The following UNC13C variants were observed in gnomAD, a reference collection of about 807,000 sequenced individuals.
The protein encoded by UNC13C is protein unc-13 homolog C.
In UNC13C, 174 loss-of-function variants were observed where a neutral mutation model predicts 245.4. The observed-to-expected ratio is 0.71, with a 90% CI of 0.63 to 0.80. The LOEUF is 0.80. UNC13C is among the 30% of genes least tolerant of loss of function. The pLI is 0.00. For synonymous variants in UNC13C, 992 were observed against 895.1 expected (o/e 1.11, Z -1.93); for missense variants, 2,829 against 2,602.9 (o/e 1.09, Z -1.89).
At chr15:53,909,257 A>T in the UNC13C span, among the ~76,000 whole-genome samples, 1 of 146,532 alleles carries the variant, frequency 6.8e-6, no homozygotes, top group South Asian at 2.3e-4. Flanking sequence ...ATATCAGAGC[A>T]CTTTTCTGCA....
At position 54,237,688 on chromosome 15, in the gene UNC13C, C is replaced by A; in HGVS notation, c.3226C>A (p.Leu1076Met). 1 of 1,606,634 alleles carries A rather than the reference C, an allele frequency of 6.2e-7. No individual in the cohort carries two copies. Among genetic ancestry groups the A allele is most frequent in the Non-Finnish European group, 8.5e-7 (1 of 1,175,600 alleles). The stretch of plus-strand genomic sequence containing the variant: ...TAGGACATCCCTAAATAATGAGGAA[C>A]TGGTAAGTACTAGATATTGCTCATA... ...VIRTSLNNEE[L>M]KMHVFKKTLQ... The change falls in exon 7 of 33, where the codon CTG (leucine) becomes ATG (methionine). Residue 1076 changes from leucine to methionine, a missense_variant and splice_region_variant. By Grantham distance (15) the Leu-to-Met change is conservative. Transcript: ENST00000260323.
chr15:54,490,672 T>C (rs1355786667), intron 19 of UNC13C, among the ~76,000 whole-genome samples: 1 of 151,660 alleles, frequency 6.6e-6, no homozygotes, highest in African/African-American at 2.4e-5. Flanking sequence ...TTTTTTTTTT[T>C]AATGGCATGG....
At position 54,245,399 on chromosome 15, in the gene UNC13C, A is replaced by G. The variant is rs193213530; in HGVS notation, c.3229-4826A>G. On this transcript the variant is annotated intron_variant, in intron 7 of 32. Coordinates refer to ENST00000260323, the MANE Select transcript of UNC13C (RefSeq NM_001080534.3). ...CTCACCCCATAAGTTTCTTAGGACAATGTTAATTTATATCTGTTATAAAGC... is the reference window on the plus strand; with the variant it reads ...CTCACCCCATAAGTTTCTTAGGACAGTGTTAATTTATATCTGTTATAAAGC... Among the ~76,000 whole-genome samples the G allele has an allele frequency of 1.1e-3, 167 of 152,230 alleles. 2 individuals are homozygous for G. The highest frequency in any genetic ancestry group is 2.5e-3 in the Admixed American group (38 of 15,290).
intron 17 of UNC13C, among the ~76,000 whole-genome samples, chr15:54,361,022 T>G (rs574847112): frequency 6.6e-6 from 1 of 152,308 alleles, no homozygotes; most frequent in African/African-American, 2.4e-5. Flanking sequence ...TTGGGAAATA[T>G]TCACCCATTA....
chr15:54,502,578 T>C (rs1006379781), intron 22 of UNC13C, among the ~76,000 whole-genome samples: 11 of 152,162 alleles, frequency 7.2e-5, no homozygotes, highest in African/African-American at 2.7e-4. Context: ...AAGTCTTTTC[T>C]TGATGAGCAG....
At chr15:54,273,448 A>G (rs746945652) in intron 10 of UNC13C, among the ~76,000 whole-genome samples, 4 of 151,878 alleles carry the variant, frequency 2.6e-5, no homozygotes, top group African/African-American at 9.7e-5. Flanking sequence ...TCACTTCCCC[A>G]TGGTATATCA....
At chr15:54,062,607 A>T (rs1595793197) in intron 2 of UNC13C, among the ~76,000 whole-genome samples, 1 of 152,156 alleles carries the variant, frequency 6.6e-6, no homozygotes, top group East Asian at 1.9e-4. Flanking sequence ...TTCCATGTGG[A>T]AGTACAGTTT....
chr15:54,040,696 G>A (rs958898705), intron 2 of UNC13C, among the ~76,000 whole-genome samples: 3 of 152,146 alleles, frequency 2.0e-5, no homozygotes, highest in African/African-American at 7.2e-5. Context: ...AAGGCCTGCT[G>A]GAAGTGAGTC....
intron 13 of UNC13C, among the ~76,000 whole-genome samples, chr15:54,313,569 A>G (rs925199033): frequency 8.6e-5 from 13 of 151,802 alleles, no homozygotes; most frequent in African/African-American, 2.7e-4. Context: ...CTAAAAACTT[A>G]TGTATATTTC....
chr15:54,445,002 TC>T (rs1406899059), intron 19 of UNC13C, among the ~76,000 whole-genome samples: 1 of 131,648 alleles, frequency 7.6e-6, no homozygotes, highest in Non-Finnish European at 1.6e-5. Flanking sequence ...TGTGTGATGT[TC>T]CCCTTCCTGT....
At chr15:54,296,292 C>G (rs2037428664) in intron 11 of UNC13C, among the ~76,000 whole-genome samples, 1 of 152,096 alleles carries the variant, frequency 6.6e-6, no homozygotes, top group African/African-American at 2.4e-5. Flanking sequence ...GCTCCGCCTC[C>G]CAGGTTCACA....
intron 2 of UNC13C, chr15:54,050,316 C>A (rs983417736): frequency 5.1e-6 from 3 of 590,706 alleles, no homozygotes; most frequent in Non-Finnish European, 9.8e-6. Context: ...GTATAAAGAA[C>A]ATTTTCTGAA....
chr15:54,505,856 G>A lies in UNC13C; in HGVS notation c.5302-1261G>A, dbSNP rs561712194. On this transcript the variant is annotated intron_variant, in intron 22 of 32. Transcript: ENST00000260323. Reference sequence around the variant, plus strand: ...GCCCATCCTGACTTGCTAACCATTGGCATTTGTAGGCTATTACGTGTGAGA... The same window carrying A: ...GCCCATCCTGACTTGCTAACCATTGACATTTGTAGGCTATTACGTGTGAGA... Among the ~76,000 whole-genome samples the A allele has an allele frequency of 1.3e-4, 19 of 150,160 alleles. 1 individual carries two copies. The East Asian group carries it at 2.7e-3, about 22-fold the overall frequency.
chr15:53,995,248 T>A (rs1894568523), intron 1 of UNC13C, among the ~76,000 whole-genome samples: 1 of 151,942 alleles, frequency 6.6e-6, no homozygotes, highest in South Asian at 2.1e-4. Context: ...GGAAAAAAAG[T>A]CTGAAAAGAG....
chr15:53,945,408 T>C, the UNC13C span, among the ~76,000 whole-genome samples: 1 of 152,160 alleles, frequency 6.6e-6, no homozygotes, highest in African/African-American at 2.4e-5. Flanking sequence ...TTATTTTGAG[T>C]TGATTTTTAT....
chr15:53,855,080 G>T, the UNC13C span, among the ~76,000 whole-genome samples: 1 of 152,064 alleles, frequency 6.6e-6, no homozygotes, highest in African/African-American at 2.4e-5. Context: ...GTTCATTCAT[G>T]ATTTGGCTCT....
chr15:54,374,951 T>G (rs500198), intron 17 of UNC13C, among the ~76,000 whole-genome samples: 32,630 of 152,272 alleles, frequency 0.21, 3,616 homozygotes, highest in Middle Eastern at 0.27. Flanking sequence ...TATAAGAATT[T>G]AATTCTATAA....
At chr15:53,909,033 T>C in the UNC13C span, among the ~76,000 whole-genome samples, 2 of 146,270 alleles carry the variant, frequency 1.4e-5, 1 homozygote, top group Non-Finnish European at 3.1e-5. Context: ...TAATATTGTT[T>C]TATCAAAAAC....
chr15:54,068,497 T>C (rs1157950932), intron 2 of UNC13C, among the ~76,000 whole-genome samples: 6 of 152,184 alleles, frequency 3.9e-5, no homozygotes, highest in African/African-American at 1.4e-4. Context: ...TGTCTATGGC[T>C]ACTGTAACTG....
Sources: gnomAD v4.1 joint callset for allele counts (sites outside exome capture counted in the v4.1 genomes callset) on GRCh38, gnomAD v4.1.1 for gene constraint, MANE v1.5 for transcripts, NCBI Gene and HGNC (gene_info 2026-07-23, HGNC 2026-07-21) for gene names.